IL7: variants seen among roughly 807,000 people sequenced by gnomAD.
IL7 encodes the protein interleukin 7.
In IL7, 3 loss-of-function variants were observed where a neutral mutation model predicts 21.6. The ratio of observed to expected loss-of-function variants is 0.14; its 90% CI spans 0.06 to 0.36. The LOEUF (loss-of-function observed/expected upper bound fraction) is 0.36. Among genes scored for constraint, IL7 ranks in the 10% least tolerant of loss-of-function variants. The pLI, the probability that IL7 is intolerant of heterozygous loss-of-function variation, is 1.00. For synonymous variants in IL7, 62 were observed against 68.1 expected, an observed-to-expected ratio of 0.91 and a Z score of 0.44; for missense variants, 175 against 200.2, an observed-to-expected ratio of 0.87 and a Z score of 0.76.
downstream of IL7, among the ~76,000 whole-genome samples, chr8:78,713,381 G>A (rs916711894): frequency 4.6e-5 from 7 of 151,518 alleles, no homozygotes; most frequent in South Asian, 6.3e-4. Flanking sequence ...TCAAGTTACC[G>A]ATATGGTGAC....
At chr8:78,686,193 C>T (rs1161271382) in intron 3 of IL7, among the ~76,000 whole-genome samples, 1 of 152,090 alleles carries the variant, frequency 6.6e-6, no homozygotes, top group African/African-American at 2.4e-5. Flanking sequence ...ACCACAGCAA[C>T]AGTCTTAGTG....
chr8:78,733,882 TATATTTTAAA>T (rs1811491240), intron 5 of IL7, 50 bp from the exon 6 acceptor site: 2 of 1,227,112 alleles, frequency 1.6e-6, no homozygotes, highest in Non-Finnish European at 2.2e-6. Context: ...TACAAAAATA[TATATTTTAAA>T]ATACTATTTT....
At chr8:78,787,276 G>A (rs1563435951) in intron 2 of IL7, among the ~76,000 whole-genome samples, 1 of 152,072 alleles carries the variant, frequency 6.6e-6, no homozygotes, top group Non-Finnish European at 1.5e-5. Flanking sequence ...GGGTGGAGGG[G>A]GAAGGAGGAG....
At chr8:78,804,885 C>T (rs750936534) in intron 1 of IL7, 28 bp downstream of exon 1, 1 of 1,612,678 alleles carries the variant, frequency 6.2e-7, no homozygotes, top group South Asian at 1.1e-5. Flanking sequence ...GGCGCGCGAA[C>T]TTGTGCGCAA....
intron 2 of IL7, among the ~76,000 whole-genome samples, chr8:78,779,355 A>G (rs1260756738): frequency 6.6e-6 from 1 of 152,142 alleles, no homozygotes; most frequent in African/African-American, 2.4e-5. Flanking sequence ...TCCATTCAGT[A>G]TGATATTGGC....
intron 3 of IL7, chr8:78,698,430 A>G: frequency 1.2e-6 from 2 of 1,612,416 alleles, no homozygotes; most frequent in Non-Finnish European, 1.7e-6. Context: ...CTTCAGGTAA[A>G]GTGTCTTCAA....
In IL7 at chr8:78,739,804, A is replaced by C. The variant is rs538436022; in HGVS notation, c.228+198T>G. Among the ~76,000 whole-genome samples the C allele has an allele frequency of 6.2e-4, 94 of 152,262 alleles. 1 individual carries two copies. Among genetic ancestry groups the C allele is most frequent in the Middle Eastern group, 6.8e-3 (2 of 292 alleles). On this transcript the variant is annotated intron_variant, in intron 3 of 5. Coordinates refer to ENST00000263851, the MANE Select transcript of IL7 (RefSeq NM_000880.4). ...AAAATAGAATGGTGAAACAAAAAAA[A>C]CTTGTTATTTAATAAGCACAGGACT... is the stretch of plus-strand genomic sequence containing the variant.
At chr8:78,760,123 G>A (rs1812498936) in intron 2 of IL7, 22 of 1,503,074 alleles carry the variant, frequency 1.5e-5, no homozygotes, top group Non-Finnish European at 1.9e-5. Context: ...ATATAAGAAA[G>A]CCTGTTTTTA....
chr8:78,762,328 C>T (rs1812593085), intron 2 of IL7: 8 of 1,609,112 alleles, frequency 5.0e-6, no homozygotes, highest in Non-Finnish European at 6.8e-6. Context: ...TCTCCACCCA[C>T]TTCTGGCATC....
At chr8:78,751,933 T>G in intron 2 of IL7, among the ~76,000 whole-genome samples, 1 of 152,180 alleles carries the variant, frequency 6.6e-6, no homozygotes, top group East Asian at 1.9e-4. Flanking sequence ...CCTCCTACCC[T>G]TTTGTGCCTT....
At chr8:78,760,977 C>T in intron 2 of IL7, 1 of 1,587,630 alleles carries the variant, frequency 6.3e-7, no homozygotes, top group East Asian at 2.2e-5. Context: ...TTAAGAACAA[C>T]AATAGTAACA....
intron 4 of IL7, among the ~76,000 whole-genome samples, chr8:78,682,309 C>G (rs555324877): frequency 6.7e-6 from 1 of 149,410 alleles, no homozygotes; most frequent in Non-Finnish European, 1.5e-5. Flanking sequence ...ATGTATTAGT[C>G]CATTTTCCTA....
At chr8:78,709,977 T>A (rs1810903815) in intron 3 of IL7, among the ~76,000 whole-genome samples, 1 of 152,218 alleles carries the variant, frequency 6.6e-6, no homozygotes, top group African/African-American at 2.4e-5. Context: ...AGGTACCTAG[T>A]AAGCCACACT....
intron 2 of IL7, among the ~76,000 whole-genome samples, chr8:78,797,260 G>A (rs1305833992): frequency 6.6e-6 from 1 of 151,950 alleles, no homozygotes; most frequent in African/African-American, 2.4e-5. Context: ...GGGGAAGAAA[G>A]AGAAGGATGA....
At position 78,739,977 on chromosome 8, in the gene IL7, A is replaced by G. The variant is rs777274530; in HGVS notation, c.228+25T>C. On this transcript the variant is annotated intron_variant, in intron 3 of 5. Transcript: ENST00000263851. Reference sequence around the variant, plus strand: ...GCTTCTATAAAATCAAGCTTGAATGACAAACTCCAAATAATTATCATTACC... The same window carrying G: ...GCTTCTATAAAATCAAGCTTGAATGGCAAACTCCAAATAATTATCATTACC... The G allele has an allele frequency of 5.3e-6, 8 of 1,498,142 alleles. No individual in the cohort carries two copies. In the Admixed American group the frequency reaches 2.1e-4, roughly 40 times the overall value. 92.8% of individuals were successfully genotyped at this position (1,498,142 alleles called of 1,614,324 possible). A position where few individuals can be genotyped will look rare whatever the true frequency, so the allele number is the denominator to read the frequency against.
chr8:78,729,914 G>C (rs1308786340), downstream of IL7, among the ~76,000 whole-genome samples: 1 of 151,906 alleles, frequency 6.6e-6, no homozygotes, highest in Admixed American at 6.6e-5. Flanking sequence ...CAGGTGGTAG[G>C]TTATTAAGAG....
At chr8:78,750,768 G>A (rs1812140977) in intron 2 of IL7, among the ~76,000 whole-genome samples, 1 of 152,134 alleles carries the variant, frequency 6.6e-6, no homozygotes, top group Non-Finnish European at 1.5e-5. Context: ...AGGTTTCTGT[G>A]AGCCGAGATC....
downstream of IL7, among the ~76,000 whole-genome samples, chr8:78,713,591 A>G (rs1194209605): frequency 1.3e-5 from 2 of 152,192 alleles, no homozygotes; most frequent in African/African-American, 2.4e-5. Flanking sequence ...ACAAGAGTAG[A>G]GTAAACCTCA....
intron 4 of IL7, chr8:78,678,734 A>T (rs1809667191): frequency 9.2e-6 from 11 of 1,200,230 alleles, no homozygotes; most frequent in Non-Finnish European, 1.3e-5. Context: ...ATGTTGAAAA[A>T]TATTATATTA....
Sources: gnomAD v4.1 joint callset for allele counts (sites outside exome capture counted in the v4.1 genomes callset) on GRCh38, gnomAD v4.1.1 for gene constraint, MANE v1.5 for transcripts, NCBI Gene and HGNC (gene_info 2026-07-23, HGNC 2026-07-21) for gene names.